Variants in CSMD1 observed in about 807,000 individuals in gnomAD.
CSMD1 encodes CUB and Sushi multiple domains 1.
A neutral mutation model predicts 417.5 loss-of-function variants in CSMD1; 213 were observed. The observed-to-expected ratio is 0.51, with a 90% CI of 0.46 to 0.57. The LOEUF (loss-of-function observed/expected upper bound fraction) is 0.57, where lower values mean the gene tolerates loss of function less well. Ranked by LOEUF, CSMD1 falls within the 20% of genes least tolerant of loss-of-function variation. CSMD1 has a pLI of 0.00. For synonymous variants in CSMD1, 2,862 were observed against 1,736.8 expected (o/e 1.65, Z -16.11); for missense variants, 6,923 against 4,529.7 (o/e 1.53, Z -15.17).
intron 3 of CSMD1, among the ~76,000 whole-genome samples, chr8:4,068,629 A>G (rs533065243): frequency 9.2e-5 from 14 of 152,322 alleles, no homozygotes; most frequent in Admixed American, 2.6e-4. Context: ...TAATGTTACC[A>G]TATCAGTGGA....
At chr8:3,720,526 G>T (rs1282784836) in intron 6 of CSMD1, among the ~76,000 whole-genome samples, 2 of 151,884 alleles carry the variant, frequency 1.3e-5, no homozygotes, top group African/African-American at 4.8e-5. Flanking sequence ...TAGACCTTTT[G>T]TTGTCTCAAC....
At chr8:3,562,417 A>ACACACACATGCATAC (rs1554470709) in intron 10 of CSMD1, among the ~76,000 whole-genome samples, 4 of 145,330 alleles carry the variant, frequency 2.8e-5, no homozygotes, top group African/African-American at 1.1e-4. Flanking sequence ...CACATGCACA[A>ACACACACATGCATAC]ACACACATGC....
intron 5 of CSMD1, among the ~76,000 whole-genome samples, chr8:3,880,056 TC>T (rs1806110020): frequency 1.4e-5 from 2 of 139,494 alleles, no homozygotes. Context: ...TAAAAGATTT[TC>T]TTTTTTTTTT....
chr8:4,855,737 A>C (rs6987347), intron 1 of CSMD1, among the ~76,000 whole-genome samples: 58,144 of 151,428 alleles, frequency 0.38, 11,354 homozygotes, highest in Non-Finnish European at 0.44. Context: ...AGAAATGAGC[A>C]AAGCCTCCAA....
intron 3 of CSMD1, among the ~76,000 whole-genome samples, chr8:4,080,391 T>G (rs1800068182): frequency 6.6e-6 from 1 of 152,176 alleles, no homozygotes; most frequent in South Asian, 2.1e-4. Context: ...TTCTACATAT[T>G]GAATTTCCAA....
intron 1 of CSMD1, among the ~76,000 whole-genome samples, chr8:4,709,530 A>G (rs1377271952): frequency 1.3e-5 from 2 of 152,246 alleles, no homozygotes; most frequent in African/African-American, 2.4e-5. Context: ...CAAAGAGGGC[A>G]GAGACCTCGA....
intron 1 of CSMD1, among the ~76,000 whole-genome samples, chr8:4,639,646 A>C (rs1458132651): frequency 1.3e-5 from 2 of 152,240 alleles, no homozygotes; most frequent in Admixed American, 1.3e-4. Flanking sequence ...CATGTAGTGT[A>C]AGTACTTGAA....
intron 8 of CSMD1, among the ~76,000 whole-genome samples, chr8:3,612,009 T>C (rs912902541): frequency 6.6e-6 from 1 of 152,184 alleles, no homozygotes; most frequent in Non-Finnish European, 1.5e-5. Flanking sequence ...ATTTTTAAAA[T>C]ACTAATTTCC....
chr8:3,831,601 A>T (rs989295199), intron 5 of CSMD1, among the ~76,000 whole-genome samples: 1 of 152,168 alleles, frequency 6.6e-6, no homozygotes, highest in African/African-American at 2.4e-5. Context: ...GTCCTCTCTA[A>T]TATTATAGCT....
intron 2 of CSMD1, among the ~76,000 whole-genome samples, chr8:4,570,308 G>C (rs1798821581): frequency 6.6e-6 from 1 of 152,140 alleles, no homozygotes; most frequent in Non-Finnish European, 1.5e-5. Context: ...TTTGACATAT[G>C]TTCCGTCAAT....
At chr8:4,546,197 G>A (rs777717716) in intron 2 of CSMD1, among the ~76,000 whole-genome samples, 5 of 152,156 alleles carry the variant, frequency 3.3e-5, no homozygotes, top group Non-Finnish European at 7.3e-5. Flanking sequence ...ATATCTACGG[G>A]CCTTGGCCCT....
At position 4,146,689 on chromosome 8, in the gene CSMD1, G is replaced by A. The variant is rs1377603453; in HGVS notation, c.416-114590C>T. 4.0e-5 allele frequency among the ~76,000 whole-genome samples: 5 copies of A among 124,964 alleles called. No homozygotes were observed. In the Admixed American group the frequency reaches 5.2e-4, roughly 13 times the overall value. The allele number at this position is 124,964 out of a possible 152,430, so 82.0% of individuals were successfully genotyped here. A position where few individuals can be genotyped will look rare whatever the true frequency, so the allele number is the denominator to read the frequency against. ...CGCAGTGGTGTGATCTGGACTCACT[G>A]CAAGCTCCACCTCCCGAGTTCACGC... On this transcript the variant is annotated intron_variant, in intron 3 of 69. Transcript: ENST00000635120.
chr8:3,900,403 G>T (rs367864475), intron 5 of CSMD1, among the ~76,000 whole-genome samples: 2 of 151,066 alleles, frequency 1.3e-5, no homozygotes, highest in Non-Finnish European at 3.0e-5. Flanking sequence ...GTATAGGTGG[G>T]TGACAGGGCA....
intron 3 of CSMD1, among the ~76,000 whole-genome samples, chr8:4,267,568 G>A (rs1207753206): frequency 3.3e-5 from 5 of 151,832 alleles, no homozygotes; most frequent in Non-Finnish European, 7.4e-5. Flanking sequence ...AATGGTCACT[G>A]ACACAATAAG....
intron 25 of CSMD1, among the ~76,000 whole-genome samples, chr8:3,300,342 C>T (rs1804294389): frequency 6.6e-6 from 1 of 150,396 alleles, no homozygotes; most frequent in Admixed American, 6.7e-5. Context: ...TTTAAGATTA[C>T]AGAAAACTAC....
intron 26 of CSMD1, among the ~76,000 whole-genome samples, chr8:3,235,789 C>T (rs998720842): frequency 2.0e-5 from 3 of 151,772 alleles, no homozygotes; most frequent in African/African-American, 4.8e-5. Context: ...ATTTGGAATA[C>T]GTATAACAAT....
At chr8:3,052,831 G>T (rs910779019) in intron 49 of CSMD1, among the ~76,000 whole-genome samples, 184 bp from the exon 50 acceptor site, 8 of 147,940 alleles carry the variant, frequency 5.4e-5, no homozygotes, top group African/African-American at 1.8e-4. Flanking sequence ...TCCCAGGCTG[G>T]AGTGCAATGA....
intron 5 of CSMD1, among the ~76,000 whole-genome samples, chr8:3,892,217 T>G (rs566122772): frequency 1.3e-5 from 2 of 152,302 alleles, no homozygotes; most frequent in African/African-American, 2.4e-5. Flanking sequence ...CAAGGTTAAA[T>G]TAAAGTGCTG....
intron 2 of CSMD1, among the ~76,000 whole-genome samples, chr8:4,551,155 C>A (rs1797853621): frequency 6.6e-6 from 1 of 152,142 alleles, no homozygotes; most frequent in Non-Finnish European, 1.5e-5. Flanking sequence ...ATGTGGAGAT[C>A]CTGTGTATCT....
Sources: gnomAD v4.1 joint callset for allele counts (sites outside exome capture counted in the v4.1 genomes callset) on GRCh38, gnomAD v4.1.1 for gene constraint, MANE v1.5 for transcripts, NCBI Gene and HGNC (gene_info 2026-07-23, HGNC 2026-07-21) for gene names.